The following NTM variants were observed in gnomAD, a reference collection of about 807,000 sequenced individuals.
The protein encoded by NTM is neurotrimin.
Under a neutral mutation model 42.1 loss-of-function variants are expected in NTM, and 13 were observed. The ratio of observed to expected loss-of-function variants is 0.31; its 90% CI spans 0.20 to 0.49. The LOEUF (loss-of-function observed/expected upper bound fraction) is 0.49, where lower values mean the gene tolerates loss of function less well. NTM is among the 20% of genes least tolerant of loss of function. The pLI, the probability that NTM is intolerant of heterozygous loss-of-function variation, is 0.99. For synonymous variants in NTM, 187 were observed against 179.2 expected (o/e 1.04, Z -0.35); for missense variants, 373 against 452.8 (o/e 0.82, Z 1.60).
rs193054907 is a variant in NTM, at chr11:132,335,298, C to T, written c.*152C>T. 5.6e-4 allele frequency: 441 copies of T among 787,138 alleles called. No individual in the cohort carries two copies. The highest frequency in any genetic ancestry group is 1.2e-3 in the Admixed American group (39 of 31,554). 48.8% of individuals were successfully genotyped at this position (787,138 alleles called of 1,614,324 possible). A position where few individuals can be genotyped will look rare whatever the true frequency, so the allele number is the denominator to read the frequency against. ...GGGACAGAAATTTGAGGGAGGGGAACAAAGAATACTTTGGGGGGAAAAAAG... is the reference window on the plus strand; with the variant it reads ...GGGACAGAAATTTGAGGGAGGGGAATAAAGAATACTTTGGGGGGAAAAAAG... On this transcript the variant is annotated 3_prime_UTR_variant, in exon 9 of 9. Coordinates refer to ENST00000683400, the MANE Select transcript of NTM (RefSeq NM_001352005.2).
chr11:131,561,679 T>A (rs1385013409), intron 1 of NTM, among the ~76,000 whole-genome samples: 2 of 148,836 alleles, frequency 1.3e-5, no homozygotes, highest in African/African-American at 5.1e-5. Context: ...AGAGAACAAT[T>A]TGTTAGTATC....
At chr11:131,377,803 T>C (rs778044371) in intron 1 of NTM, among the ~76,000 whole-genome samples, 9 of 152,222 alleles carry the variant, frequency 5.9e-5, no homozygotes, top group Non-Finnish European at 1.2e-4. Context: ...AGCTGCACCC[T>C]GAATGCTTTG....
At chr11:132,086,724 T>G (rs1333688412) in intron 2 of NTM, among the ~76,000 whole-genome samples, 1 of 152,240 alleles carries the variant, frequency 6.6e-6, no homozygotes, top group Admixed American at 6.5e-5. Flanking sequence ...TATCATTCCT[T>G]TTACTGGTTT....
At chr11:131,478,721 G>T (rs965018761) in intron 1 of NTM, among the ~76,000 whole-genome samples, 4 of 152,192 alleles carry the variant, frequency 2.6e-5, no homozygotes, top group African/African-American at 9.7e-5. Context: ...AGCTCTATAG[G>T]AAGAGACTCA....
intron 1 of NTM, among the ~76,000 whole-genome samples, chr11:131,523,389 T>C (rs2050012635): frequency 6.6e-6 from 1 of 152,178 alleles, no homozygotes; most frequent in Non-Finnish European, 1.5e-5. Flanking sequence ...AAGACTTTCA[T>C]AACAAAACAT....
chr11:131,697,255 C>T (rs1050829016), intron 1 of NTM, among the ~76,000 whole-genome samples: 6 of 152,238 alleles, frequency 3.9e-5, no homozygotes, highest in Admixed American at 1.3e-4. Flanking sequence ...TGCAGCCAGT[C>T]GGATGGGTCT....
intron 1 of NTM, chr11:131,773,946 G>A (rs2135942979): frequency 2.1e-6 from 2 of 936,260 alleles, no homozygotes; most frequent in Non-Finnish European, 1.3e-6. Context: ...TCCCACAAGT[G>A]TGTTAAAGCC....
intron 1 of NTM, among the ~76,000 whole-genome samples, chr11:131,802,074 T>C (rs1478738738): frequency 6.6e-6 from 1 of 152,184 alleles, no homozygotes; most frequent in Non-Finnish European, 1.5e-5. Context: ...TTCTGAGCAT[T>C]ACAATGCATA....
chr11:131,785,897 C>G (rs1361094498), intron 1 of NTM, among the ~76,000 whole-genome samples: 1 of 152,178 alleles, frequency 6.6e-6, no homozygotes. Context: ...GGGGCTCAGA[C>G]GGTTTACGAT....
At chr11:131,722,210 C>G (rs1565467828) in intron 1 of NTM, among the ~76,000 whole-genome samples, 2 of 152,066 alleles carry the variant, frequency 1.3e-5, no homozygotes, top group Non-Finnish European at 2.9e-5. Context: ...TCTATCAAAA[C>G]CACTGTGTGA....
chr11:131,653,827 G>T (rs777946504), intron 1 of NTM, among the ~76,000 whole-genome samples: 1 of 152,206 alleles, frequency 6.6e-6, no homozygotes, highest in Non-Finnish European at 1.5e-5. Flanking sequence ...GGATACATTG[G>T]TGATAATTGG....
intron 1 of NTM, among the ~76,000 whole-genome samples, chr11:131,465,277 G>A (rs962757815): frequency 2.6e-5 from 4 of 152,134 alleles, no homozygotes; most frequent in African/African-American, 4.8e-5. Flanking sequence ...GGTGACCTGC[G>A]GGTGCCTCCG....
intron 2 of NTM, among the ~76,000 whole-genome samples, chr11:132,004,593 CTCTT>C (rs1260239172): frequency 4.8e-5 from 6 of 123,924 alleles, no homozygotes; most frequent in Non-Finnish European, 9.8e-5. Context: ...AAGTTTCTCT[CTCTT>C]TCTCTCTTTC....
At chr11:132,107,529 T>A (rs1210995410) in intron 2 of NTM, among the ~76,000 whole-genome samples, 1 of 147,754 alleles carries the variant, frequency 6.8e-6, no homozygotes, top group Admixed American at 6.8e-5. Context: ...TTTTTTTTCC[T>A]TTATTTAAAA....
At chr11:131,660,628 G>A (rs891375627) in intron 1 of NTM, 1 of 456,994 alleles carries the variant, frequency 2.2e-6, no homozygotes, top group South Asian at 1.6e-5. Flanking sequence ...CTCTGGGTCT[G>A]TGCACCCCTC....
chr11:131,823,016 ATTTTG>A (rs2093256731), intron 1 of NTM, among the ~76,000 whole-genome samples: 1 of 149,030 alleles, frequency 6.7e-6, no homozygotes, highest in African/African-American at 2.5e-5. Flanking sequence ...TCTGTAGTTT[ATTTTG>A]TTTTATCTTT....
chr11:132,283,383 C>G (rs2094083539), intron 4 of NTM, among the ~76,000 whole-genome samples: 1 of 152,104 alleles, frequency 6.6e-6, no homozygotes, highest in Admixed American at 6.5e-5. Flanking sequence ...TTAGCCAGCC[C>G]AATAGTTCTA....
intron 1 of NTM, among the ~76,000 whole-genome samples, chr11:131,472,890 T>C (rs1952578765): frequency 6.6e-6 from 1 of 152,058 alleles, no homozygotes; most frequent in South Asian, 2.1e-4. Flanking sequence ...GATTGAGTCA[T>C]CCCTTGATCT....
intron 1 of NTM, among the ~76,000 whole-genome samples, chr11:131,668,485 C>T (rs747181776): frequency 2.0e-5 from 3 of 152,132 alleles, no homozygotes; most frequent in East Asian, 1.9e-4. Flanking sequence ...GAAAGGACAG[C>T]ACCCGCGTGG....
Sources: gnomAD v4.1 joint callset for allele counts (sites outside exome capture counted in the v4.1 genomes callset) on GRCh38, gnomAD v4.1.1 for gene constraint, MANE v1.5 for transcripts, NCBI Gene and HGNC (gene_info 2026-07-23, HGNC 2026-07-21) for gene names.